The following TMEM132C variants were observed in gnomAD, a reference collection of about 807,000 sequenced individuals.
TMEM132C encodes the protein protein phosphatase 1, regulatory subunit 152.
In TMEM132C, 29 loss-of-function variants were observed where a neutral mutation model predicts 61.4. The ratio of observed to expected loss-of-function variants is 0.47; its 90% CI spans 0.35 to 0.64. The LOEUF (loss-of-function observed/expected upper bound fraction) is 0.64. TMEM132C is among the 30% of genes least tolerant of loss of function. The pLI, the probability that TMEM132C is intolerant of heterozygous loss-of-function variation, is 0.00. For synonymous variants in TMEM132C, 656 were observed against 633.1 expected (o/e 1.04, Z -0.54); for missense variants, 1,408 against 1,476.9 (o/e 0.95, Z 0.76).
At chr12:128,411,486 GC>G (rs1329720357) in intron 1 of TMEM132C, among the ~76,000 whole-genome samples, 2 of 152,034 alleles carry the variant, frequency 1.3e-5, no homozygotes, top group Non-Finnish European at 1.5e-5. Flanking sequence ...TTATTTTGAT[GC>G]TCAAATTATC....
At chr12:128,466,504 C>G (rs1038368691) in intron 2 of TMEM132C, among the ~76,000 whole-genome samples, 1 of 152,150 alleles carries the variant, frequency 6.6e-6, no homozygotes, top group African/African-American at 2.4e-5. Flanking sequence ...CAGGTCATGA[C>G]TTTTTTGCAC....
At chr12:128,579,808 C>G (rs565072841) in intron 3 of TMEM132C, among the ~76,000 whole-genome samples, 1 of 152,262 alleles carries the variant, frequency 6.6e-6, no homozygotes, top group South Asian at 2.1e-4. Context: ...TTGATACTGA[C>G]CCAGATGAGC....
chr12:128,600,671 G>T (rs1286445005), intron 3 of TMEM132C, among the ~76,000 whole-genome samples: 1 of 152,164 alleles, frequency 6.6e-6, no homozygotes, highest in Non-Finnish European at 1.5e-5. Context: ...CTCCTCGCGT[G>T]TCTTTAGCCA....
chr12:128,349,034 C>T (rs1382710445), intron 1 of TMEM132C, among the ~76,000 whole-genome samples: 3 of 152,180 alleles, frequency 2.0e-5, no homozygotes, highest in Non-Finnish European at 2.9e-5. Context: ...GATGGAATCT[C>T]ACTCTGTTAC....
chr12:128,495,560 T>A (rs1237239465), intron 2 of TMEM132C, among the ~76,000 whole-genome samples: 1 of 152,246 alleles, frequency 6.6e-6, no homozygotes, highest in African/African-American at 2.4e-5. Flanking sequence ...TTAGCTCTTC[T>A]TGTTGAATCC....
intron 3 of TMEM132C, among the ~76,000 whole-genome samples, chr12:128,614,831 A>G (rs542309436): frequency 6.6e-6 from 1 of 152,336 alleles, no homozygotes; most frequent in East Asian, 1.9e-4. Context: ...CACTGAATTG[A>G]ATGTATTTAC....
intron 1 of TMEM132C, among the ~76,000 whole-genome samples, chr12:128,318,848 A>G (rs945176417): frequency 6.6e-6 from 1 of 152,214 alleles, no homozygotes. Flanking sequence ...AAACCTGAGT[A>G]GAAGTAATTT....
rs141952764 is a variant in TMEM132C at position 128,444,995 on chromosome 12, C to T, written c.974+29375C>T. 3.6e-4 allele frequency among the ~76,000 whole-genome samples: 55 copies of T among 152,128 alleles called. No individual in the cohort carries two copies. In the East Asian group the frequency reaches 8.1e-3, roughly 22 times the overall value. On this transcript the variant is annotated intron_variant, in intron 2 of 8. Coordinates refer to ENST00000435159, the MANE Select transcript of TMEM132C (RefSeq NM_001136103.3). The stretch of plus-strand genomic sequence containing the variant: ...TAAAGGCAAATATATCGGGCTTTCC[C>T]GCCGTTGGGGTTAATTGAAGCCACT...
intron 2 of TMEM132C, among the ~76,000 whole-genome samples, chr12:128,522,023 G>A (rs577146515): frequency 4.1e-4 from 62 of 152,162 alleles, no homozygotes; most frequent in South Asian, 6.2e-4. Flanking sequence ...TTCCCTGGTC[G>A]GAGCTGAGCT....
rs59000862 is a variant in TMEM132C at position 128,517,233 on chromosome 12, CAAATAAATAAATAAAT to C, written c.975-26704_975-26689del. Among the ~76,000 whole-genome samples the C allele has an allele frequency of 2.7e-4, 39 of 142,780 alleles. 1 individual carries two copies. The highest frequency in any genetic ancestry group is 8.3e-4 in the African/African-American group (32 of 38,708). 93.7% of individuals were successfully genotyped at this position (142,780 alleles called of 152,430 possible). ...GTGACAAAGCAAGACTCCGTCTCAA[CAAATAAATAAATAAAT>C]AAATAAATAAATAAATAAACAAACA... On this transcript the variant is annotated intron_variant, in intron 2 of 8. Transcript: ENST00000435159.
chr12:128,339,635 CT>C (rs1872894045), intron 1 of TMEM132C, among the ~76,000 whole-genome samples: 1 of 151,116 alleles, frequency 6.6e-6, no homozygotes, highest in Non-Finnish European at 1.5e-5. Flanking sequence ...TCATTCACCC[CT>C]GGAAGGTCCC....
chr12:128,625,546 A>G (rs533752520), intron 4 of TMEM132C, among the ~76,000 whole-genome samples: 14 of 152,344 alleles, frequency 9.2e-5, no homozygotes, highest in Admixed American at 2.6e-4. Context: ...AGCAAGTCAC[A>G]TCTTACATGG....
Position 128,415,737 on chromosome 12 carries a change from T to C in TMEM132C, c.974+117T>C. On this transcript the variant is annotated intron_variant, in intron 2 of 8. Coordinates refer to ENST00000435159, the MANE Select transcript of TMEM132C (RefSeq NM_001136103.3). This position sits in a 1 kb window ranked among gnomAD's most constrained non-coding sequence, Gnocchi z 5.8. ...ATTTTCACTACCTTCAGGGACCGTT[T>C]GGCATTAACAGGGGAAGGCAAATTA... is the stretch of plus-strand genomic sequence containing the variant. The C allele has an allele frequency of 7.9e-7, 1 of 1,260,310 alleles. No homozygotes were observed. The highest frequency in any genetic ancestry group is 1.5e-5 in the African/African-American group (1 of 66,294). The allele number at this position is 1,260,310 out of a possible 1,614,324, so 78.1% of individuals were successfully genotyped here. A position where few individuals can be genotyped will look rare whatever the true frequency, so the allele number is the denominator to read the frequency against.
intron 8 of TMEM132C, among the ~76,000 whole-genome samples, chr12:128,698,435 A>G (rs1954780948): frequency 6.6e-6 from 1 of 152,244 alleles, no homozygotes; most frequent in African/African-American, 2.4e-5. Context: ...TTAGGAGCCA[A>G]AAGGCCCAGA....
intron 1 of TMEM132C, among the ~76,000 whole-genome samples, chr12:128,276,723 C>T (rs953857472): frequency 2.0e-5 from 3 of 152,190 alleles, no homozygotes; most frequent in African/African-American, 4.8e-5. Flanking sequence ...ACTGTCTCTG[C>T]GGACCCAGAT....
chr12:128,660,989 CATAGATGACAGACTAG>C (rs1300200436), intron 4 of TMEM132C, among the ~76,000 whole-genome samples: 2 of 151,900 alleles, frequency 1.3e-5, no homozygotes, highest in Non-Finnish European at 2.9e-5. Flanking sequence ...ATAGATAATA[CATAGATGACAGACTAG>C]ATAGATGACA....
intron 1 of TMEM132C, among the ~76,000 whole-genome samples, chr12:128,343,708 T>A (rs533656567): frequency 6.6e-6 from 1 of 152,182 alleles, no homozygotes; most frequent in East Asian, 1.9e-4. Flanking sequence ...AAATTTAGAT[T>A]ATGTTTTCCA....
At chr12:128,591,075 AGCCAC>A in intron 3 of TMEM132C, among the ~76,000 whole-genome samples, 1 of 152,204 alleles carries the variant, frequency 6.6e-6, no homozygotes, top group East Asian at 1.9e-4. Context: ...GAGCCACTGC[AGCCAC>A]GCTTTATTGT....
intron 1 of TMEM132C, among the ~76,000 whole-genome samples, chr12:128,345,310 T>C (rs921838274): frequency 5.3e-5 from 8 of 152,198 alleles, no homozygotes; most frequent in Admixed American, 5.2e-4. Context: ...CTATCACTGA[T>C]GGACACTTAG....
Sources: allele counts gnomAD v4.1 joint callset (sites outside exome capture counted in the v4.1 genomes callset), GRCh38; gene constraint gnomAD v4.1.1; non-coding constraint Gnocchi (gnomAD v3.1); transcripts MANE v1.5; gene names NCBI Gene and HGNC (gene_info 2026-07-23, HGNC 2026-07-21).